The following METTL4 variants were observed in gnomAD, a reference collection of about 807,000 sequenced individuals.
The protein encoded by METTL4 is N(6)-adenine-specific methyltransferase METTL4.
Under a neutral mutation model 54.0 loss-of-function variants are expected in METTL4, and 40 were observed. The ratio of observed to expected loss-of-function variants is 0.74; its 90% CI spans 0.58 to 0.96. The LOEUF (loss-of-function observed/expected upper bound fraction) is 0.96. Among genes scored for constraint, METTL4 ranks in the 50% least tolerant of loss-of-function variants. The probability of loss-of-function intolerance (pLI) is 0.00; values close to 1 mark genes in which losing one functional copy is unlikely to be tolerated. For synonymous variants in METTL4, 169 were observed against 183.8 expected (o/e 0.92, Z 0.65); for missense variants, 525 against 549.0 (o/e 0.96, Z 0.44).
Position 2,537,837 on chromosome 18 carries a change from A to G in METTL4, c.*1163T>C, listed in dbSNP as rs1378746060. 2.3e-5 allele frequency: 9 copies of G among 398,366 alleles called. No individual in the cohort carries two copies. Among genetic ancestry groups the G allele is most frequent in the Non-Finnish European group, 4.0e-5 (9 of 225,994 alleles). 24.7% of individuals were successfully genotyped at this position (398,366 alleles called of 1,614,324 possible). On this transcript the variant is annotated 3_prime_UTR_variant, in exon 9 of 9. Coordinates refer to ENST00000574538, the MANE Select transcript of METTL4 (RefSeq NM_022840.5). ...AATAGATTACACATTGCATGATTCC[A>G]TTTATATGAAATTCTCAAACAGCAG...
At chr18:2,566,678 A>T in intron 2 of METTL4, 143 bp downstream of exon 2, 1 of 569,184 alleles carries the variant, frequency 1.8e-6, no homozygotes, top group Non-Finnish European at 2.7e-6. Flanking sequence ...AAAGCTACAA[A>T]TTATTTCAGA....
At chr18:2,558,754 T>C (rs2072274296) in intron 3 of METTL4, among the ~76,000 whole-genome samples, 1 of 151,892 alleles carries the variant, frequency 6.6e-6, no homozygotes, top group South Asian at 2.1e-4. Context: ...ATCCAGAATA[T>C]ACAAAGAACT....
intron 7 of METTL4, 41 bp from the exon 8 acceptor site, chr18:2,544,327 AC>A (rs760625422): frequency 6.9e-7 from 1 of 1,453,766 alleles, no homozygotes; most frequent in South Asian, 1.2e-5. Flanking sequence ...ATTTTAAAAA[AC>A]AATTTTCTAT....
At chr18:2,551,416 A>T (rs1452663226) in intron 5 of METTL4, among the ~76,000 whole-genome samples, 1 of 152,160 alleles carries the variant, frequency 6.6e-6, no homozygotes, top group Non-Finnish European at 1.5e-5. Context: ...AAAAGAAACA[A>T]ATCTGGCCAG....
chr18:2,564,277 G>A (rs1447745768), intron 2 of METTL4, among the ~76,000 whole-genome samples: 2 of 151,674 alleles, frequency 1.3e-5, no homozygotes, highest in East Asian at 3.9e-4. Flanking sequence ...CAGGCATGGT[G>A]GCAGGCGCCT....
In METTL4 at chr18:2,571,461, G is replaced by T. The variant is rs1206576031; in HGVS notation, c.-751C>A. The T allele has an allele frequency of 2.6e-5, 4 of 152,230 alleles. No homozygotes were observed. The highest frequency in any genetic ancestry group is 9.6e-5 in the African/African-American group (4 of 41,464). 9.4% of individuals were successfully genotyped at this position (152,230 alleles called of 1,614,324 possible). A position where few individuals can be genotyped will look rare whatever the true frequency, so the allele number is the denominator to read the frequency against. ...CCCAGTTCCTGGGGTGACGCAGCTG[G>T]GCGCGACCAGCACGCAGCCTTCCAG... On this transcript the variant is annotated 5_prime_UTR_variant, in exon 1 of 9. Transcript: ENST00000574538.
intron 5 of METTL4, among the ~76,000 whole-genome samples, chr18:2,551,773 G>A (rs66873847): frequency 0.13 from 20,308 of 152,102 alleles, 1,376 homozygotes; most frequent in Middle Eastern, 0.21. Flanking sequence ...AACAAGAAGC[G>A]TAAGAAAGGT....
chr18:2,544,878 G>A, intron 6 of METTL4, 119 bp from the exon 7 acceptor site: 1 of 540,854 alleles, frequency 1.8e-6, no homozygotes, highest in Non-Finnish European at 3.2e-6. Context: ...TACTATGTGA[G>A]CCACATTTAT....
chr18:2,546,875 G>T (rs892457702), intron 6 of METTL4, among the ~76,000 whole-genome samples: 2 of 152,058 alleles, frequency 1.3e-5, no homozygotes, highest in Non-Finnish European at 2.9e-5. Context: ...GAGCATAAAA[G>T]GTTCTTGGTT....
chr18:2,541,401 G>A (rs1385810856), intron 8 of METTL4, among the ~76,000 whole-genome samples: 1 of 152,202 alleles, frequency 6.6e-6, no homozygotes, highest in Non-Finnish European at 1.5e-5. Context: ...TGGGGCAGGA[G>A]TAAGAGAGAA....
chr18:2,543,058 A>G (rs1480202921), intron 8 of METTL4, among the ~76,000 whole-genome samples: 1 of 148,390 alleles, frequency 6.7e-6, no homozygotes, highest in African/African-American at 2.5e-5. Flanking sequence ...CAGGAGGTAG[A>G]GGATGCAGTG....
chr18:2,539,838 AAAAC>A lies in METTL4; in HGVS notation c.1274-697_1274-694del, dbSNP rs1300327115. On this transcript the variant is annotated intron_variant, in intron 8 of 8. Coordinates refer to ENST00000574538, the MANE Select transcript of METTL4 (RefSeq NM_022840.5). ...GAAAAAGAGCTCTAAAAAAAATTGA[AAAAC>A]AACCCATTTAAAAAAAAAAAAGACA... The A allele has an allele frequency of 1.4e-5, 4 of 288,766 alleles. No homozygotes were observed. The African/African-American group carries it at 2.5e-4, about 18-fold the overall frequency. 17.9% of individuals were successfully genotyped at this position (288,766 alleles called of 1,614,324 possible).
intron 5 of METTL4, among the ~76,000 whole-genome samples, chr18:2,550,911 T>C (rs989454701): frequency 6.6e-6 from 1 of 152,064 alleles, no homozygotes; most frequent in Admixed American, 6.6e-5. Context: ...ACGCCTGTAA[T>C]CCCAGCACTT....
At chr18:2,545,771 C>T (rs371510690) in intron 6 of METTL4, among the ~76,000 whole-genome samples, 6 of 152,190 alleles carry the variant, frequency 3.9e-5, no homozygotes, top group African/African-American at 1.4e-4. Flanking sequence ...TGTATAAATA[C>T]TGGCACGTTG....
intron 3 of METTL4, among the ~76,000 whole-genome samples, chr18:2,555,929 G>C (rs1054684598): frequency 6.6e-6 from 1 of 152,020 alleles, no homozygotes. Context: ...GACCACTCCA[G>C]CTTACTGCCT....
At chr18:2,564,809 A>G (rs1396503832) in intron 2 of METTL4, among the ~76,000 whole-genome samples, 1 of 152,210 alleles carries the variant, frequency 6.6e-6, no homozygotes, top group Non-Finnish European at 1.5e-5. Context: ...AATTTACCCA[A>G]CCTGAGAGAT....
At chr18:2,546,346 ATTAG>A (rs1415620482) in intron 6 of METTL4, among the ~76,000 whole-genome samples, 2 of 152,096 alleles carry the variant, frequency 1.3e-5, no homozygotes, top group Non-Finnish European at 1.5e-5. Flanking sequence ...CTATTTTATT[ATTAG>A]TTATTGTTTA....
At position 2,537,910 on chromosome 18, in the gene METTL4, G is replaced by C. The variant is rs1046949129; in HGVS notation, c.*1090C>G. 2 of 398,518 alleles carry C rather than the reference G, an allele frequency of 5.0e-6. No individual in the cohort carries two copies. The highest frequency in any genetic ancestry group is 4.4e-6 in the Non-Finnish European group (1 of 226,028). 24.7% of individuals were successfully genotyped at this position (398,518 alleles called of 1,614,324 possible). On this transcript the variant is annotated 3_prime_UTR_variant, in exon 9 of 9. Coordinates refer to ENST00000574538, the MANE Select transcript of METTL4 (RefSeq NM_022840.5). The stretch of plus-strand genomic sequence containing the variant: ...AGTGTTTGCCAGGGGCCAAGGATAG[G>C]AGCAGGGGATTGACTGCAAAAGGAA...
intron 8 of METTL4, among the ~76,000 whole-genome samples, chr18:2,539,395 G>C (rs2071959319): frequency 6.6e-6 from 1 of 152,002 alleles, no homozygotes; most frequent in South Asian, 2.1e-4. Flanking sequence ...TTGTAGATGA[G>C]AAATGAGGAC....
Sources: allele counts gnomAD v4.1 joint callset (sites outside exome capture counted in the v4.1 genomes callset), GRCh38; gene constraint gnomAD v4.1.1; transcripts MANE v1.5; gene names NCBI Gene and HGNC (gene_info 2026-07-23, HGNC 2026-07-21).